PAN2: variants seen among roughly 807,000 people sequenced by gnomAD.
PAN2 encodes the protein PAN2-PAN3 deadenylation complex catalytic subunit PAN2.
PAN2 carries 68 observed loss-of-function variants against 133.3 expected under a neutral mutation model. The ratio of observed to expected loss-of-function variants is 0.51; its 90% confidence interval spans 0.42 to 0.62. PAN2 has a LOEUF of 0.62. PAN2 is among the 20% of genes least tolerant of loss of function. PAN2 has a pLI of 0.00. For synonymous variants in PAN2, 462 were observed against 544.6 expected, an observed-to-expected ratio of 0.85 and a Z score of 2.11; for missense variants, 1,042 against 1,500.5, an observed-to-expected ratio of 0.69 and a Z score of 5.05.
chr12:56,323,540 T>C lies in PAN2; in HGVS notation c.2231A>G (p.Asn744Ser). The change falls in exon 15 of 26, where the codon AAC becomes AGC. Residue 744 changes from asparagine (N) to serine (S), a missense_variant. By Grantham distance (46) the Asn-to-Ser change is conservative (BLOSUM62 1). Transcript: ENST00000440411. ...PDILVINCEV[N>S]SSKEADFWRM... ...CCAGAAATCAGCCTCTTTTGAGCTGTTCACCTCACAATTGATGACAAGAAT... is the reference window on the plus strand; with the variant it reads ...CCAGAAATCAGCCTCTTTTGAGCTGCTCACCTCACAATTGATGACAAGAAT... 1.2e-6 allele frequency: 2 copies of C among 1,614,188 alleles called. No individual in the cohort carries two copies. Among genetic ancestry groups the C allele is most frequent in the Non-Finnish European group, 1.7e-6 (2 of 1,180,010 alleles).
chr12:56,322,030 G>T, intron 20 of PAN2, 48 bp downstream of exon 20: 1 of 978,162 alleles, frequency 1.0e-6, no homozygotes, highest in Non-Finnish European at 1.6e-6. Context: ...TCACCCTGAA[G>T]CCCAATCTAA....
chr12:56,324,047 AC>A lies in PAN2; in HGVS notation c.2065+1del. ...AGCTGAAGGGTATACCACTTTTGCTACCATCAGGGTAGGAGAGTGTGAAAAG... is the reference window on the plus strand; with the variant it reads ...AGCTGAAGGGTATACCACTTTTGCTACATCAGGGTAGGAGAGTGTGAAAAG... On this transcript the variant is annotated splice_donor_variant, in intron 13 of 25. Transcript: ENST00000440411. LOFTEE classifies it high-confidence loss of function. The A allele has an allele frequency of 6.2e-7, 1 of 1,614,182 alleles. No homozygotes were observed. The highest frequency in any genetic ancestry group is 8.5e-7 in the Non-Finnish European group (1 of 1,180,002).
chr12:56,333,313 T>G, intron 1 of PAN2, 105 bp from the exon 2 acceptor site: 3 of 556,186 alleles, frequency 5.4e-6, no homozygotes, highest in South Asian at 2.2e-5. Flanking sequence ...GCATGAGGGA[T>G]GAGACTGCCA....
rs770842854 is a variant in PAN2, at chr12:56,333,109, C to T, written c.-15G>A. The T allele has an allele frequency of 7.4e-6, 12 of 1,611,186 alleles. No individual in the cohort carries two copies. Among genetic ancestry groups the T allele is most frequent in the African/African-American group, 4.0e-5 (3 of 74,874 alleles). On this transcript the variant is annotated 5_prime_UTR_variant, in exon 2 of 26. Coordinates refer to ENST00000440411, the MANE Select transcript of PAN2 (RefSeq NM_014871.6). ...TCAAAGTTCATGATGACGATGGCAG[C>T]TTACACCTGTGTCACACCCTCCCTT...
chr12:56,328,726 A>G, intron 2 of PAN2, 85 bp from the exon 3 acceptor site: 1 of 1,100,636 alleles, frequency 9.1e-7, no homozygotes, highest in South Asian at 1.4e-5. Flanking sequence ...AACATGGCTC[A>G]GCTTGGATCC....
At position 56,323,852 on chromosome 12, in the gene PAN2, C is replaced by G; in HGVS notation, c.2127G>C (p.Gln709His). The G allele has an allele frequency of 6.2e-7, 1 of 1,614,052 alleles. No individual in the cohort carries two copies. Among genetic ancestry groups the G allele is most frequent in the Non-Finnish European group, 8.5e-7 (1 of 1,179,836 alleles). The change falls in exon 14 of 26, where the codon CAG (glutamine) becomes CAC (histidine). Residue 709 changes from glutamine to histidine, a missense_variant. Around this residue, in one of 3 missense-constraint regions of PAN2, gnomAD observed 908 missense variants for 1,223.5 expected, o/e 0.74. Transcript: ENST00000440411. ...QVLKRSICLDQNTQAWCDTCE... is the reference protein window; with the variant it reads ...QVLKRSICLDHNTQAWCDTCE... ...AGGTGTCACACCAGGCCTGTGTATT[C>G]TGGTCCAGGCAGATGCTTCGCTTCA...
chr12:56,320,855 G>A (rs938585723), intron 20 of PAN2, among the ~76,000 whole-genome samples: 2 of 150,460 alleles, frequency 1.3e-5, no homozygotes, highest in Non-Finnish European at 3.0e-5. Flanking sequence ...ACGAGGTCAG[G>A]AGTTCAAGAC....
chr12:56,325,295 C>A (rs1185498385), intron 9 of PAN2, 40 bp downstream of exon 9: 13 of 1,611,882 alleles, frequency 8.1e-6, no homozygotes, highest in Non-Finnish European at 1.1e-5. Flanking sequence ...TCCCAGGGTA[C>A]CTTTCCCCAC....
intron 18 of PAN2, 37 bp from the exon 19 acceptor site, chr12:56,322,519 T>G (rs763533076): frequency 2.5e-6 from 4 of 1,611,666 alleles, no homozygotes; most frequent in Non-Finnish European, 3.4e-6. Context: ...GCGATACAAA[T>G]TGATGGCTGG....
At chr12:56,332,693 C>A in intron 2 of PAN2, 120 bp downstream of exon 2, 5 of 933,174 alleles carry the variant, frequency 5.4e-6, no homozygotes, top group South Asian at 3.1e-5. Context: ...CCAACCAGAC[C>A]CAGCTGTCTC....
Position 56,319,155 on chromosome 12 carries a change from A to G in PAN2, c.3297T>C (p.Thr1099=). 6.2e-7 allele frequency: 1 copy of G among 1,614,112 alleles called. No individual in the cohort carries two copies. The highest frequency in any genetic ancestry group is 8.5e-7 in the Non-Finnish European group (1 of 1,179,964). Residue 1099 remains threonine (T), a synonymous_variant, in exon 24 of 26, where the codon ACT becomes ACC. Coordinates refer to ENST00000440411, the MANE Select transcript of PAN2 (RefSeq NM_014871.6). This position sits in a 1 kb window ranked among gnomAD's most constrained non-coding sequence, Gnocchi z 5.4. Reference sequence around the variant, plus strand: ...TTCGGGGCATATGGAACAGGTAGACAGTGTCAAGGACTTGGTCCTTGGGCA... The same window carrying G: ...TTCGGGGCATATGGAACAGGTAGACGGTGTCAAGGACTTGGTCCTTGGGCA... ...LMVPKDQVLD[T]VYLFHMPRKR...
In PAN2 at chr12:56,328,298, A is replaced by G. The variant is rs1344697677; in HGVS notation, c.513T>C (p.Val171=). ...CTATTATGTGATTCTGCAGCCCACC[A>G]ACGAGTAGAGTGCTGCTGTCAGTCA... The part of the protein sequence containing the change: ...LLLTDSSTLL[V]GGLQNHIIEI... The change falls in exon 4 of 26, where the codon GTT becomes GTC. Residue 171 remains valine, a synonymous_variant. Transcript: ENST00000440411. 2.5e-6 allele frequency: 4 copies of G among 1,609,998 alleles called. No homozygotes were observed. Among genetic ancestry groups the G allele is most frequent in the South Asian group, 1.1e-5 (1 of 90,622 alleles).
rs535201416 is a variant in PAN2 at position 56,321,853 on chromosome 12, A to T, written c.2788+225T>A. On this transcript the variant is annotated intron_variant, in intron 20 of 25. Transcript: ENST00000440411. ...GTGACAGAGCAAGACTGCATCTCAA[A>T]AAAAAAAAAAAAATTTTTTTTCAAA... Among the ~76,000 whole-genome samples, 10 of 151,632 alleles carry T rather than the reference A, an allele frequency of 6.6e-5. No homozygotes were observed. The East Asian group carries it at 1.9e-3, about 29-fold the overall frequency.
At chr12:56,322,931 CT>C in intron 17 of PAN2, 130 bp downstream of exon 17, 1 of 1,327,286 alleles carries the variant, frequency 7.5e-7, no homozygotes, top group East Asian at 2.3e-5. Flanking sequence ...GGAAAATCCC[CT>C]AACAGGTAAA....
chr12:56,332,662 C>A, intron 2 of PAN2, 151 bp downstream of exon 2: 1 of 712,070 alleles, frequency 1.4e-6, no homozygotes, highest in South Asian at 1.8e-5. Context: ...CTCCTAGATC[C>A]TAGATTCTCC....
chr12:56,318,318 T>G lies in PAN2; in HGVS notation c.3481A>C (p.Lys1161Gln). 1 of 1,614,140 alleles carries G rather than the reference T, an allele frequency of 6.2e-7. No individual in the cohort carries two copies. Among genetic ancestry groups the G allele is most frequent in the Non-Finnish European group, 8.5e-7 (1 of 1,180,014 alleles). The change falls in exon 25 of 26, where the codon AAG (lysine) becomes CAG (glutamine). Residue 1161 changes from lysine (K) to glutamine (Q), a missense_variant. By Grantham distance (53) the Lys-to-Gln change is moderately conservative. Around this residue, in one of 3 missense-constraint regions of PAN2, gnomAD observed 85 missense variants for 116.5 expected, o/e 0.73. Transcript: ENST00000440411. ...TTCTCATAAAGACCCTTGAGCACCTTGTGGAAAGACTCAGGCTCAGTGCCA... is the reference window on the plus strand; with the variant it reads ...TTCTCATAAAGACCCTTGAGCACCTGGTGGAAAGACTCAGGCTCAGTGCCA... ...KNGTEPESFHKVLKGLYEKGR... is the reference protein window; with the variant it reads ...KNGTEPESFHQVLKGLYEKGR...
intron 10 of PAN2, 54 bp from the exon 11 acceptor site, chr12:56,324,763 A>G: frequency 6.3e-7 from 1 of 1,577,506 alleles, no homozygotes; most frequent in Admixed American, 1.9e-5. Flanking sequence ...GGGTGAGGAG[A>G]AATATGGAGG....
At chr12:56,324,540 C>T in intron 11 of PAN2, 41 bp downstream of exon 11, 1 of 1,611,932 alleles carries the variant, frequency 6.2e-7, no homozygotes, top group Non-Finnish European at 8.5e-7. Context: ...TTTGTGTCCA[C>T]CTTCCTTCCC....
rs544936680 is a variant in PAN2, at chr12:56,325,209, G to T, written c.1480-81C>A. On this transcript the variant is annotated intron_variant, in intron 9 of 25. Transcript: ENST00000440411. ...TCCAGTAGCCACAGCCTTTCCTAGA[G>T]CCTTCCTCCTGGGTCCAGGGTGGTA... is the stretch of plus-strand genomic sequence containing the variant. 429 of 1,579,284 alleles carry T rather than the reference G, an allele frequency of 2.7e-4. 2 individuals are homozygous for T. In the Middle Eastern group the frequency reaches 4.4e-3, roughly 16 times the overall value.
Sources: allele counts gnomAD v4.1 joint callset (sites outside exome capture counted in the v4.1 genomes callset), GRCh38; gene constraint gnomAD v4.1.1; regional missense constraint gnomAD v4.1.1; non-coding constraint Gnocchi (gnomAD v3.1); transcripts MANE v1.5; gene names NCBI Gene and HGNC (gene_info 2026-07-23, HGNC 2026-07-21).